Variants in SRP68 observed in about 807,000 individuals in gnomAD.
The protein encoded by SRP68 is signal recognition particle subunit SRP68.
SRP68 carries 15 observed loss-of-function variants against 82.2 expected under a neutral mutation model. The ratio of observed to expected loss-of-function variants is 0.18; its 90% confidence interval spans 0.12 to 0.28. The LOEUF is 0.28. SRP68 is among the 10% of genes least tolerant of loss of function. The probability of loss-of-function intolerance (pLI) is 1.00; values close to 1 mark genes in which losing one functional copy is unlikely to be tolerated. For synonymous variants in SRP68, 261 were observed against 292.6 expected (o/e 0.89, Z 1.10); for missense variants, 595 against 780.5 (o/e 0.76, Z 2.83).
At chr17:76,061,600 C>T in intron 4 of SRP68, 26 bp from the exon 5 acceptor site, 1 of 1,589,548 alleles carries the variant, frequency 6.3e-7, no homozygotes, top group Non-Finnish European at 8.6e-7. Context: ...AGAGGAGGAA[C>T]TGCTTCAACA....
At chr17:76,050,846 C>T (rs978003482) in intron 8 of SRP68, among the ~76,000 whole-genome samples, 11 of 151,788 alleles carry the variant, frequency 7.2e-5, no homozygotes, top group Non-Finnish European at 1.3e-4. Context: ...CCCTGCAGCG[C>T]TTCACCCTCT....
intron 8 of SRP68, among the ~76,000 whole-genome samples, chr17:76,050,743 TAAAAGCAAACA>T (rs2066666470): frequency 6.8e-6 from 1 of 147,408 alleles, no homozygotes; most frequent in African/African-American, 2.5e-5. Context: ...GTTCTATTTT[TAAAAGCAAACA>T]TGCTGAAAAA....
At chr17:76,062,751 A>T (rs531674745) in intron 4 of SRP68, among the ~76,000 whole-genome samples, 6 of 83,694 alleles carry the variant, frequency 7.2e-5, no homozygotes, top group African/African-American at 3.1e-4. Flanking sequence ...ATATATATAT[A>T]TATATATATA....
intron 4 of SRP68, among the ~76,000 whole-genome samples, chr17:76,062,538 TTATATATTATATAATA>T (rs1567934662): frequency 9.1e-6 from 1 of 109,870 alleles, no homozygotes; most frequent in Non-Finnish European, 1.7e-5. Context: ...ATAATATACA[TTATATATTATATAATA>T]TACATTATAT....
intron 9 of SRP68, chr17:76,048,363 T>C (rs1372720804): frequency 6.5e-6 from 1 of 153,776 alleles, no homozygotes; most frequent in Non-Finnish European, 1.4e-5. Context: ...CCGAATAACA[T>C]ACGCCAGAGC....
rs2066858677 is a variant in SRP68 at position 76,072,236 on chromosome 17, C to T, written c.184+72G>A. The stretch of plus-strand genomic sequence containing the variant: ...CCTGCCAGGACTTGTCGGGACCCGC[C>T]GCCTCTCCCGCCCCCAGCCCTCCAG... On this transcript the variant is annotated intron_variant, in intron 1 of 15. Transcript: ENST00000307877. This position sits in a 1 kb window ranked among gnomAD's most constrained non-coding sequence, Gnocchi z 4.5. 1 of 1,598,320 alleles carries T rather than the reference C, an allele frequency of 6.3e-7. No individual in the cohort carries two copies. The highest frequency in any genetic ancestry group is 1.4e-5 in the African/African-American group (1 of 72,988).
chr17:76,066,205 C>CT (rs1208779819), intron 3 of SRP68, among the ~76,000 whole-genome samples: 1 of 152,102 alleles, frequency 6.6e-6, no homozygotes, highest in African/African-American at 2.4e-5. Context: ...AATCCCAGCA[C>CT]TTTGGAAGGC....
rs778621143 is a variant in SRP68, at chr17:76,046,060, C to T, written c.1277G>A (p.Arg426Gln). 4.3e-6 allele frequency: 7 copies of T among 1,613,782 alleles called. No individual in the cohort carries two copies. In the South Asian group the frequency reaches 4.4e-5, roughly 10 times the overall value. ...CACCTGTAAGATGATGTCATAGAGT[C>T]GGATCAGGTCCTGGGGCCGGGGTGA... ...KRSPRPQDLI[R>Q]LYDIILQNLV... The change falls in exon 11 of 16, where the codon CGA (arginine) becomes CAA (glutamine). Residue 426 changes from arginine (R) to glutamine (Q), a missense_variant. Physicochemically the swap from Arg to Gln is conservative, Grantham distance 43. Around this residue, in one of 2 missense-constraint regions of SRP68, gnomAD observed 495 missense variants for 688.6 expected, o/e 0.72. Coordinates refer to ENST00000307877, the MANE Select transcript of SRP68 (RefSeq NM_014230.4).
At chr17:76,048,003 A>C (rs754311402) in intron 9 of SRP68, 33 bp from the exon 10 acceptor site, 8 of 1,465,130 alleles carry the variant, frequency 5.5e-6, no homozygotes, top group Non-Finnish European at 6.5e-6. Context: ...AAAGTAAAGC[A>C]ACTGATGCTC....
Position 76,040,997 on chromosome 17 carries a change from G to A in SRP68, c.1525-19C>T, listed in dbSNP as rs1231442040. On this transcript the variant is annotated intron_variant, in intron 13 of 15. Coordinates refer to ENST00000307877, the MANE Select transcript of SRP68 (RefSeq NM_014230.4). ...GCAGGTCCTGTAAGATTCAGAAAAC[G>A]TGTACTCCCGAGCCAGGGCCAGGTC... is the stretch of plus-strand genomic sequence containing the variant. The A allele has an allele frequency of 6.8e-6, 11 of 1,609,958 alleles. No individual in the cohort carries two copies. Among genetic ancestry groups the A allele is most frequent in the South Asian group, 1.1e-5 (1 of 90,966 alleles).
chr17:76,064,072 C>A lies in SRP68; in HGVS notation c.465G>T (p.Leu155Phe). 1 of 1,614,212 alleles carries A rather than the reference C, an allele frequency of 6.2e-7. No homozygotes were observed. Among genetic ancestry groups the A allele is most frequent in the Non-Finnish European group, 8.5e-7 (1 of 1,180,036 alleles). ...ANTEPRKRFH[L>F]LSRLRKAVKH... Reference sequence around the variant, plus strand: ...TCACGGCTTTGCGTAGGCGAGATAACAAGTGAAACCGTTTTCGGGGTTCAG... The same window carrying A: ...TCACGGCTTTGCGTAGGCGAGATAAAAAGTGAAACCGTTTTCGGGGTTCAG... The change falls in exon 4 of 16, where the codon TTG becomes TTT. Residue 155 changes from leucine to phenylalanine, a missense_variant. Physicochemically the swap from Leu to Phe is conservative, Grantham distance 22. Coordinates refer to ENST00000307877, the MANE Select transcript of SRP68 (RefSeq NM_014230.4).
intron 9 of SRP68, 55 bp from the exon 10 acceptor site, chr17:76,048,025 G>T: frequency 2.4e-6 from 3 of 1,270,552 alleles, no homozygotes; most frequent in South Asian, 3.0e-5. Context: ...CCATCGCTCT[G>T]ACCACCTCAT....
chr17:76,039,027 C>T lies in SRP68; in HGVS notation c.*679G>A, dbSNP rs2066568601. The T allele has an allele frequency of 2.8e-5, 6 of 212,076 alleles. No individual in the cohort carries two copies. The highest frequency in any genetic ancestry group is 1.0e-4 in the Admixed American group (2 of 20,054). The allele number at this position is 212,076 out of a possible 1,614,324, so 13.1% of individuals were successfully genotyped here. On this transcript the variant is annotated 3_prime_UTR_variant, in exon 16 of 16. Coordinates refer to ENST00000307877, the MANE Select transcript of SRP68 (RefSeq NM_014230.4). ...TAAGTCAGGTTACACTTGACCTCAC[C>T]GGCTTCACGCAACTAGGCTCCCGAG...
At position 76,072,514 on chromosome 17, in the gene SRP68, A is replaced by G. The variant is rs755856633; in HGVS notation, c.-23T>C. On this transcript the variant is annotated 5_prime_UTR_variant, in exon 1 of 16. Transcript: ENST00000307877. This position sits in a 1 kb window ranked among gnomAD's most constrained non-coding sequence, Gnocchi z 4.5. ...CATCTTGCCCCTGCGCCGCAGAGCA[A>G]GACGGGATAGGGGAGGCGGGACGAC... 4 of 1,576,562 alleles carry G rather than the reference A, an allele frequency of 2.5e-6. No individual in the cohort carries two copies. Among genetic ancestry groups the G allele is most frequent in the Non-Finnish European group, 3.4e-6 (4 of 1,171,392 alleles).
At chr17:76,057,350 G>A in intron 8 of SRP68, 53 bp downstream of exon 8, 1 of 1,607,854 alleles carries the variant, frequency 6.2e-7, no homozygotes, top group Non-Finnish European at 8.5e-7. Flanking sequence ...TAAACACACA[G>A]GACAACCTTC....
chr17:76,061,436 T>C, intron 5 of SRP68, 56 bp downstream of exon 5: 2 of 1,491,048 alleles, frequency 1.3e-6, no homozygotes, highest in Non-Finnish European at 1.9e-6. Context: ...ATCTGCAGCT[T>C]AAATTTGACA....
At position 76,067,312 on chromosome 17, in the gene SRP68, T is replaced by C; in HGVS notation, c.270A>G (p.Arg90=). 6.2e-7 allele frequency: 1 copy of C among 1,613,318 alleles called. No homozygotes were observed. The highest frequency in any genetic ancestry group is 8.5e-7 in the Non-Finnish European group (1 of 1,179,610). ...FQRYRGYCSR[R]QRRLRKTLNF... The stretch of plus-strand genomic sequence containing the variant: ...TGAGTGTTTTTCGAAGACGTCTTTG[T>C]CTACGGGAACAGTAGCCCCTGTAAG... Residue 90 remains arginine (R), a synonymous_variant, in exon 3 of 16, where the codon AGA becomes AGG. Transcript: ENST00000307877.
chr17:76,060,198 T>G (rs1280080913), intron 7 of SRP68, 110 bp downstream of exon 7: 3 of 359,032 alleles, frequency 8.4e-6, no homozygotes, highest in Non-Finnish European at 1.5e-5. Context: ...TATTTGCTAA[T>G]ACAGATATAA....
chr17:76,056,056 G>C (rs1344250137), intron 8 of SRP68, among the ~76,000 whole-genome samples: 1 of 151,934 alleles, frequency 6.6e-6, no homozygotes, highest in African/African-American at 2.4e-5. Context: ...CAAGTGATCT[G>C]CCTTCCTCCG....
Sources: allele counts gnomAD v4.1 joint callset (sites outside exome capture counted in the v4.1 genomes callset), GRCh38; gene constraint gnomAD v4.1.1; regional missense constraint gnomAD v4.1.1; non-coding constraint Gnocchi (gnomAD v3.1); transcripts MANE v1.5; gene names NCBI Gene and HGNC (gene_info 2026-07-23, HGNC 2026-07-21).